WWOX: variants seen among roughly 807,000 people sequenced by gnomAD.
WWOX encodes the protein WW domain containing oxidoreductase.
A neutral mutation model predicts 46.2 loss-of-function variants in WWOX; 69 were observed. That is an observed-to-expected ratio of 1.49 (90% CI 1.23 to 1.82). WWOX has a LOEUF of 1.82. Ranked by LOEUF, WWOX falls within the 40% of genes most tolerant of loss-of-function variation. The pLI, the probability that WWOX is intolerant of heterozygous loss-of-function variation, is 0.00. For missense variants in WWOX, 919 were observed against 542.6 expected (o/e 1.69, Z -6.89); for synonymous variants, 359 against 202.6 (o/e 1.77, Z -6.56).
chr16:78,680,017 G>C (rs1440962970), intron 8 of WWOX, among the ~76,000 whole-genome samples: 1 of 152,188 alleles, frequency 6.6e-6, no homozygotes, highest in Non-Finnish European at 1.5e-5. Context: ...GCTCCTATCG[G>C]TTCTTTATTT....
chr16:78,434,574 A>G (rs1414088129), intron 8 of WWOX, among the ~76,000 whole-genome samples: 1 of 152,182 alleles, frequency 6.6e-6, no homozygotes, highest in East Asian at 1.9e-4. Context: ...CTTCCGCTTT[A>G]ACAAGCCCAG....
intron 8 of WWOX, among the ~76,000 whole-genome samples, chr16:78,813,508 A>G (rs72801053): frequency 0.086 from 13,153 of 152,148 alleles, 677 homozygotes; most frequent in African/African-American, 0.15. Flanking sequence ...AGAGAGATAT[A>G]TAATGATGCC....
At chr16:78,861,749 C>T (rs554145628) in intron 8 of WWOX, among the ~76,000 whole-genome samples, 1 of 152,206 alleles carries the variant, frequency 6.6e-6, no homozygotes, top group East Asian at 1.9e-4. Flanking sequence ...TCATTTCCTT[C>T]TTTTGATTTT....
intron 3 of WWOX, among the ~76,000 whole-genome samples, chr16:78,112,467 T>C (rs146039993): frequency 8.8e-4 from 134 of 152,252 alleles, no homozygotes; most frequent in African/African-American, 3.0e-3. Flanking sequence ...GCAAAACTGA[T>C]ATTGAGAGCA....
chr16:78,389,138 C>G (rs146471157), intron 6 of WWOX, among the ~76,000 whole-genome samples: 1 of 152,328 alleles, frequency 6.6e-6, no homozygotes, highest in African/African-American at 2.4e-5. Flanking sequence ...CCAGCCAGAT[C>G]TGAGAGAGCC....
chr16:78,500,667 A>T (rs2085038949), intron 8 of WWOX, among the ~76,000 whole-genome samples: 1 of 152,188 alleles, frequency 6.6e-6, no homozygotes, highest in Non-Finnish European at 1.5e-5. Context: ...CATCGTGGTT[A>T]TTCCAAGCAG....
chr16:79,020,106 A>T (rs577570229), intron 8 of WWOX, among the ~76,000 whole-genome samples: 5 of 152,336 alleles, frequency 3.3e-5, no homozygotes, highest in Admixed American at 6.5e-5. Context: ...CAATTGATGA[A>T]CAACTACTAC....
At chr16:78,946,360 T>G (rs1318125528) in intron 8 of WWOX, among the ~76,000 whole-genome samples, 4 of 152,092 alleles carry the variant, frequency 2.6e-5, no homozygotes, top group Non-Finnish European at 5.9e-5. Context: ...CAGCTAATTT[T>G]TTGTATTTTT....
intron 8 of WWOX, among the ~76,000 whole-genome samples, chr16:78,875,156 GA>G (rs2044209962): frequency 6.6e-6 from 1 of 152,168 alleles, no homozygotes; most frequent in Admixed American, 6.5e-5. Flanking sequence ...TTGAATTCAG[GA>G]ATGTTGCAAG....
chr16:79,182,384 G>C (rs577836586), intron 8 of WWOX, among the ~76,000 whole-genome samples: 2 of 151,966 alleles, frequency 1.3e-5, no homozygotes, highest in Non-Finnish European at 2.9e-5. Flanking sequence ...CCTTGGTCTC[G>C]ATATTCACAT....
At position 78,697,870 on chromosome 16, in the gene WWOX, C is replaced by T. The variant is rs549419987; in HGVS notation, c.1056+265118C>T. 3.9e-5 allele frequency among the ~76,000 whole-genome samples: 6 copies of T among 152,244 alleles called. No individual in the cohort carries two copies. In the South Asian group the frequency reaches 1.0e-3, roughly 26 times the overall value. On this transcript the variant is annotated intron_variant, in intron 8 of 8. Transcript: ENST00000566780. ...ATACCCCATGAAGGAGGTGCAATTACCCCTGGCTTAGGGTTGAGAAAACTA... is the reference window on the plus strand; with the variant it reads ...ATACCCCATGAAGGAGGTGCAATTATCCCTGGCTTAGGGTTGAGAAAACTA...
intron 8 of WWOX, among the ~76,000 whole-genome samples, chr16:78,719,985 G>A (rs1251134625): frequency 3.3e-5 from 5 of 152,090 alleles, no homozygotes; most frequent in Non-Finnish European, 7.4e-5. Flanking sequence ...TAAAGTGGAA[G>A]GTTTTTTTCA....
intron 8 of WWOX, among the ~76,000 whole-genome samples, chr16:78,998,129 G>A (rs910629014): frequency 2.6e-5 from 4 of 152,026 alleles, no homozygotes; most frequent in African/African-American, 2.4e-5. Context: ...CGCCCGCCTC[G>A]GCCTCCCAAA....
rs148976577 is a variant in WWOX at position 78,186,418 on chromosome 16, T to C, written c.516+22129T>C. 8.5e-5 allele frequency among the ~76,000 whole-genome samples: 13 copies of C among 152,318 alleles called. 1 individual carries two copies. The East Asian group carries it at 9.6e-4, about 11-fold the overall frequency. On this transcript the variant is annotated intron_variant, in intron 5 of 8. Transcript: ENST00000566780. ...ACAGTTTAACCTGACAGTTGATCAA[T>C]TGATATCCTTTGACTTGTTGGAATT...
intron 8 of WWOX, among the ~76,000 whole-genome samples, chr16:78,919,901 A>T (rs377540925): frequency 2.0e-5 from 3 of 152,140 alleles, no homozygotes; most frequent in East Asian, 1.9e-4. Context: ...TTGATTATAG[A>T]TATATTAATG....
chr16:78,862,776 T>C (rs538935390), intron 8 of WWOX, among the ~76,000 whole-genome samples: 21 of 152,214 alleles, frequency 1.4e-4, no homozygotes, highest in Non-Finnish European at 3.1e-4. Context: ...CTTCAACAGA[T>C]TGTATGAAGC....
chr16:79,098,730 A>T (rs998976450), intron 8 of WWOX, among the ~76,000 whole-genome samples: 3 of 152,246 alleles, frequency 2.0e-5, no homozygotes, highest in African/African-American at 7.2e-5. Flanking sequence ...GAGTAGAGGC[A>T]GGTAATAACC....
At chr16:79,114,934 C>G (rs866694168) in intron 8 of WWOX, among the ~76,000 whole-genome samples, 9 of 152,182 alleles carry the variant, frequency 5.9e-5, no homozygotes, top group East Asian at 3.9e-4. Context: ...GGGCTGCAGA[C>G]TAAATTATAT....
intron 8 of WWOX, among the ~76,000 whole-genome samples, chr16:78,435,832 G>A (rs1330269741): frequency 6.6e-6 from 1 of 152,156 alleles, no homozygotes; most frequent in African/African-American, 2.4e-5. Flanking sequence ...GATGAAAATT[G>A]TGATACAGGT....
Sources: gnomAD v4.1 joint callset for allele counts (sites outside exome capture counted in the v4.1 genomes callset) on GRCh38, gnomAD v4.1.1 for gene constraint, MANE v1.5 for transcripts, NCBI Gene and HGNC (gene_info 2026-07-23, HGNC 2026-07-21) for gene names.